Variants in TBC1D19 observed in about 807,000 individuals in gnomAD.
The protein encoded by TBC1D19 is TBC1 domain family member 19, also known as TBC1 domain family, member 19.
TBC1D19 carries 60 observed loss-of-function variants against 89.0 expected under a neutral mutation model. The ratio of observed to expected loss-of-function variants is 0.67; its 90% CI spans 0.55 to 0.84. The LOEUF (loss-of-function observed/expected upper bound fraction) is 0.84. TBC1D19 is among the 40% of genes least tolerant of loss of function. The pLI, the probability that TBC1D19 is intolerant of heterozygous loss-of-function variation, is 0.00. For synonymous variants in TBC1D19, 189 were observed against 199.7 expected (o/e 0.95, Z 0.45); for missense variants, 500 against 610.8 (o/e 0.82, Z 1.91).
the TBC1D19 span, among the ~76,000 whole-genome samples, chr4:26,844,021 C>T: frequency 6.6e-6 from 1 of 152,198 alleles, no homozygotes; most frequent in African/African-American, 2.4e-5. Context: ...CTACCATGTC[C>T]ACCTCCAACA....
At chr4:26,717,057 T>C (rs913669826) in intron 13 of TBC1D19, among the ~76,000 whole-genome samples, 1 of 152,130 alleles carries the variant, frequency 6.6e-6, no homozygotes, top group African/African-American at 2.4e-5. Flanking sequence ...CCAGTGAACC[T>C]GACTGATTCC....
rs1199989378 is a variant in TBC1D19 at position 26,638,082 on chromosome 4, A to ATG, written c.370-689_370-688insTG. On this transcript the variant is annotated intron_variant, in intron 5 of 20. Transcript: ENST00000264866. The stretch of plus-strand genomic sequence containing the variant: ...GAATTCTATTTAGATCTAATACTCA[A>ATG]CATTTATGTTACTCTGGGCATTGAG... Among the ~76,000 whole-genome samples, 1,431 of 151,478 alleles carry ATG rather than the reference A, an allele frequency of 9.4e-3. 23 individuals are homozygous for ATG. Among genetic ancestry groups the ATG allele is most frequent in the African/African-American group, 0.033 (1,337 of 40,804 alleles).
chr4:26,811,161 A>G, the TBC1D19 span, among the ~76,000 whole-genome samples: 1 of 152,276 alleles, frequency 6.6e-6, no homozygotes, highest in African/African-American at 2.4e-5. Flanking sequence ...TACATCATGG[A>G]ATACTATGCA....
At chr4:26,653,855 G>A (rs1744591034) in intron 7 of TBC1D19, among the ~76,000 whole-genome samples, 1 of 152,048 alleles carries the variant, frequency 6.6e-6, no homozygotes, top group African/African-American at 2.4e-5. Context: ...TTTTAATTGG[G>A]GAATTTAGCC....
At chr4:26,756,691 A>G (rs927325257), downstream of TBC1D19, among the ~76,000 whole-genome samples, 1 of 152,210 alleles carries the variant, frequency 6.6e-6, no homozygotes, top group African/African-American at 2.4e-5. Flanking sequence ...CAAATGAAGG[A>G]TATTGTTGGT....
At chr4:26,743,239 GT>G (rs1310545037) in intron 18 of TBC1D19, among the ~76,000 whole-genome samples, 2 of 152,004 alleles carry the variant, frequency 1.3e-5, no homozygotes, top group African/African-American at 4.8e-5. Context: ...TGTCTTCTCT[GT>G]GCAGCTATTT....
At chr4:26,719,939 A>T (rs1577982050) in intron 14 of TBC1D19, 142 bp from the exon 15 acceptor site, 2 of 553,974 alleles carry the variant, frequency 3.6e-6, no homozygotes. Context: ...GTACATTTTT[A>T]AGTTAATTTC....
chr4:26,790,256 T>A, the TBC1D19 span, among the ~76,000 whole-genome samples: 2 of 152,214 alleles, frequency 1.3e-5, no homozygotes, highest in African/African-American at 4.8e-5. Context: ...CAGAGGACTC[T>A]GAGGCCCTGC....
At chr4:26,775,449 G>C in the TBC1D19 span, among the ~76,000 whole-genome samples, 2 of 152,180 alleles carry the variant, frequency 1.3e-5, no homozygotes, top group Non-Finnish European at 2.9e-5. Flanking sequence ...GCGAGACTCT[G>C]TCTCAAAAGA....
intron 17 of TBC1D19, among the ~76,000 whole-genome samples, chr4:26,741,261 C>T (rs896052215): frequency 1.4e-5 from 2 of 147,154 alleles, no homozygotes; most frequent in Non-Finnish European, 3.0e-5. Flanking sequence ...GAGGCTGAGG[C>T]AGGAGAATGG....
intron 11 of TBC1D19, among the ~76,000 whole-genome samples, chr4:26,679,736 AAGCCAC>A (rs1713165869): frequency 6.6e-6 from 1 of 152,258 alleles, no homozygotes; most frequent in Non-Finnish European, 1.5e-5. Context: ...GTACTCGGTA[AAGCCAC>A]AGGGGCAGAG....
chr4:26,796,778 A>C, the TBC1D19 span, among the ~76,000 whole-genome samples: 646 of 152,324 alleles, frequency 4.2e-3, 3 homozygotes, highest in African/African-American at 0.015. Context: ...TATGTTTCAA[A>C]TAGGATGAAA....
At chr4:26,777,788 A>G in the TBC1D19 span, among the ~76,000 whole-genome samples, 1 of 152,216 alleles carries the variant, frequency 6.6e-6, no homozygotes, top group South Asian at 2.1e-4. Flanking sequence ...TGATAATCAG[A>G]AAGATTTTTT....
At chr4:26,670,964 T>C (rs1280228186) in intron 9 of TBC1D19, among the ~76,000 whole-genome samples, 2 of 151,424 alleles carry the variant, frequency 1.3e-5, no homozygotes, top group Admixed American at 1.3e-4. Flanking sequence ...GCTGATGGTA[T>C]TGATTACATT....
intron 3 of TBC1D19, among the ~76,000 whole-genome samples, chr4:26,619,802 C>A (rs1053077781): frequency 6.6e-6 from 1 of 152,114 alleles, no homozygotes; most frequent in Non-Finnish European, 1.5e-5. Context: ...GACAGTTTAG[C>A]CTTTTACATG....
At chr4:26,615,732 G>A (rs1316903175) in intron 3 of TBC1D19, among the ~76,000 whole-genome samples, 1 of 152,126 alleles carries the variant, frequency 6.6e-6, no homozygotes, top group Non-Finnish European at 1.5e-5. Context: ...TTAGATATAA[G>A]TGCTATCTAA....
At chr4:26,742,105 A>C (rs1718406392) in intron 17 of TBC1D19, among the ~76,000 whole-genome samples, 1 of 152,206 alleles carries the variant, frequency 6.6e-6, no homozygotes, top group South Asian at 2.1e-4. Context: ...AGGTGGCTAT[A>C]TAGCACTAGG....
intron 1 of TBC1D19, among the ~76,000 whole-genome samples, chr4:26,590,708 A>G (rs752270269): frequency 2.0e-5 from 3 of 146,600 alleles, no homozygotes; most frequent in African/African-American, 5.1e-5. Context: ...AGTGTGGTAC[A>G]TTTGTTTCAG....
chr4:26,648,302 CA>C (rs1445469325), intron 7 of TBC1D19, among the ~76,000 whole-genome samples: 1 of 152,156 alleles, frequency 6.6e-6, no homozygotes, highest in Non-Finnish European at 1.5e-5. Flanking sequence ...CTGGTTATAT[CA>C]GATGCAAACC....
Sources: gnomAD v4.1 joint callset for allele counts (sites outside exome capture counted in the v4.1 genomes callset) on GRCh38, gnomAD v4.1.1 for gene constraint, MANE v1.5 for transcripts, NCBI Gene and HGNC (gene_info 2026-07-23, HGNC 2026-07-21) for gene names.